HIVEP3: variants seen among roughly 807,000 people sequenced by gnomAD.
HIVEP3 encodes the protein HIVEP zinc finger 3, also known as transcription factor HIVEP3.
A neutral mutation model predicts 152.8 loss-of-function variants in HIVEP3; 49 were observed. The observed-to-expected ratio is 0.32, with a 90% CI of 0.26 to 0.41. HIVEP3 has a LOEUF of 0.41. Ranked by LOEUF, HIVEP3 falls within the 10% of genes least tolerant of loss-of-function variation. The probability of loss-of-function intolerance (pLI) is 1.00; values close to 1 mark genes in which losing one functional copy is unlikely to be tolerated. For missense variants in HIVEP3, 2,790 were observed against 3,103.3 expected, an observed-to-expected ratio of 0.90 and a Z score of 2.40; for synonymous variants, 1,269 against 1,289.0, an observed-to-expected ratio of 0.98 and a Z score of 0.33.
chr1:41,865,404 T>A (rs1643951111), intron 1 of HIVEP3: 1 of 152,238 alleles, frequency 6.6e-6, no homozygotes, highest in South Asian at 2.1e-4. Flanking sequence ...AATCCTGAGG[T>A]CTCACAGAAG....
At chr1:41,833,356 A>G (rs1050381295) in intron 1 of HIVEP3, among the ~76,000 whole-genome samples, 4 of 152,330 alleles carry the variant, frequency 2.6e-5, no homozygotes, top group South Asian at 2.1e-4. Flanking sequence ...GCAAAGCCAC[A>G]TGAGGGGGCT....
Position 41,584,253 on chromosome 1 carries a change from T to C in HIVEP3, c.545A>G (p.Lys182Arg). 6.2e-7 allele frequency: 1 copy of C among 1,613,662 alleles called. No individual in the cohort carries two copies. Among genetic ancestry groups the C allele is most frequent in the Non-Finnish European group, 8.5e-7 (1 of 1,179,718 alleles). ...SLKPTEEAHK[K>R]ERKPQKPGKY... The stretch of plus-strand genomic sequence containing the variant: ...GCCTGGCTTCTGGGGCTTCCTCTCC[T>C]TCTTGTGTGCCTCTTCTGTGGGCTT... The change falls in exon 4 of 9, where the codon AAG becomes AGG. Residue 182 changes from lysine (K) to arginine (R), a missense_variant. By Grantham distance (26) the Lys-to-Arg change is conservative. Around this residue, in one of 9 missense-constraint regions of HIVEP3, gnomAD observed 209 missense variants for 237.0 expected, o/e 0.88. Coordinates refer to ENST00000372583, the MANE Select transcript of HIVEP3 (RefSeq NM_024503.5). The surrounding 1 kb of genome is among the most constrained non-coding windows in gnomAD (Gnocchi z 5.2).
chr1:41,607,388 T>C (rs1419193155), intron 3 of HIVEP3, among the ~76,000 whole-genome samples: 3 of 152,238 alleles, frequency 2.0e-5, no homozygotes, highest in Admixed American at 1.3e-4. Context: ...TGAAGTTTTT[T>C]CCATAATGAT....
chr1:41,976,234 G>T (rs930386636), intron 1 of HIVEP3, among the ~76,000 whole-genome samples: 1 of 152,158 alleles, frequency 6.6e-6, no homozygotes, highest in African/African-American at 2.4e-5. Flanking sequence ...TCCTAAATAC[G>T]TTTGTGGCGT....
At chr1:41,913,079 C>A (rs1431187875) in intron 1 of HIVEP3, among the ~76,000 whole-genome samples, 1 of 152,200 alleles carries the variant, frequency 6.6e-6, no homozygotes, top group Non-Finnish European at 1.5e-5. Context: ...GTAACCCCAT[C>A]CCAAGATGCC....
chr1:42,023,054 A>G (rs1645563300), intron 1 of HIVEP3, among the ~76,000 whole-genome samples: 1 of 152,186 alleles, frequency 6.6e-6, no homozygotes, highest in African/African-American at 2.4e-5. Flanking sequence ...ATTTTGACAT[A>G]GAGTCTCACT....
intron 1 of HIVEP3, among the ~76,000 whole-genome samples, chr1:41,903,753 G>A (rs913945525): frequency 6.7e-5 from 10 of 150,012 alleles, no homozygotes; most frequent in East Asian, 2.0e-4. Flanking sequence ...CCAGGGAGCC[G>A]TTTAGACTCA....
chr1:41,958,081 A>C (rs1645149387), intron 1 of HIVEP3, among the ~76,000 whole-genome samples: 1 of 152,216 alleles, frequency 6.6e-6, no homozygotes, highest in Non-Finnish European at 1.5e-5. Context: ...AATCTCTCTA[A>C]ACACAAAACG....
chr1:41,932,886 C>T (rs1363372876), intron 1 of HIVEP3, among the ~76,000 whole-genome samples: 1 of 151,750 alleles, frequency 6.6e-6, no homozygotes, highest in Non-Finnish European at 1.5e-5. Flanking sequence ...CTTTTTCATT[C>T]AGTTCAAAAC....
At chr1:41,786,127 T>C (rs868212875) in intron 1 of HIVEP3, among the ~76,000 whole-genome samples, 61 of 152,334 alleles carry the variant, frequency 4.0e-4, no homozygotes, top group African/African-American at 1.4e-3. Context: ...GCATGGATCC[T>C]GGCTCAGCTT....
intron 1 of HIVEP3, among the ~76,000 whole-genome samples, chr1:41,779,245 G>C (rs1054181682): frequency 6.6e-6 from 1 of 152,216 alleles, no homozygotes; most frequent in African/African-American, 2.4e-5. Flanking sequence ...GTCTGCAGTG[G>C]AGTGGTTAAA....
chr1:41,761,661 A>T (rs939372945), intron 1 of HIVEP3, among the ~76,000 whole-genome samples: 3 of 152,134 alleles, frequency 2.0e-5, no homozygotes, highest in Non-Finnish European at 2.9e-5. Flanking sequence ...GTGCATGTAC[A>T]CATGTGTATA....
chr1:41,628,614 G>A (rs1645150431), intron 3 of HIVEP3, 135 bp downstream of exon 3: 1 of 701,554 alleles, frequency 1.4e-6, no homozygotes, highest in Non-Finnish European at 2.0e-6. Flanking sequence ...AACTTTCACA[G>A]AGGCACCAGA....
chr1:41,993,873 C>A (rs1422625404), intron 1 of HIVEP3, among the ~76,000 whole-genome samples: 17 of 151,742 alleles, frequency 1.1e-4, no homozygotes, highest in Admixed American at 1.1e-3. Context: ...AATTGGAAAT[C>A]ATCATTCTCA....
At chr1:41,567,389 G>C (rs1005800402) in intron 5 of HIVEP3, among the ~76,000 whole-genome samples, 1 of 152,204 alleles carries the variant, frequency 6.6e-6, no homozygotes, top group Non-Finnish European at 1.5e-5. Flanking sequence ...TATTCCCCAG[G>C]AGAGAGGGGG....
chr1:41,936,108 CA>C (rs1326352389), intron 1 of HIVEP3, among the ~76,000 whole-genome samples: 1 of 152,096 alleles, frequency 6.6e-6, no homozygotes, highest in African/African-American at 2.4e-5. Flanking sequence ...GTAGTCAATT[CA>C]GGGAAATTCA....
intron 1 of HIVEP3, among the ~76,000 whole-genome samples, chr1:41,723,654 A>C (rs1222358075): frequency 6.6e-6 from 1 of 152,214 alleles, no homozygotes; most frequent in African/African-American, 2.4e-5. Context: ...TTAGCAGTCA[A>C]GCAGTAGCAA....
At chr1:41,672,502 G>A (rs1410981027) in intron 2 of HIVEP3, among the ~76,000 whole-genome samples, 9 of 152,296 alleles carry the variant, frequency 5.9e-5, no homozygotes, top group South Asian at 2.1e-4. Flanking sequence ...TTTGTGGGCG[G>A]CAAGCCCTGT....
At chr1:41,927,296 T>G (rs538551306) in intron 1 of HIVEP3, among the ~76,000 whole-genome samples, 2 of 152,316 alleles carry the variant, frequency 1.3e-5, no homozygotes, top group South Asian at 4.1e-4. Context: ...ACCTGGCTCC[T>G]GGTCAGTTTG....
Sources: gnomAD v4.1 joint callset for allele counts (sites outside exome capture counted in the v4.1 genomes callset) on GRCh38, gnomAD v4.1.1 for gene constraint, gnomAD v4.1.1 regional missense constraint, Gnocchi (gnomAD v3.1) non-coding constraint, MANE v1.5 for transcripts, NCBI Gene and HGNC (gene_info 2026-07-23, HGNC 2026-07-21) for gene names.